The following STK26 variants were observed in gnomAD, a reference collection of about 807,000 sequenced individuals.
STK26 encodes the protein serine/threonine-protein kinase 26.
Under a neutral mutation model 34.7 loss-of-function variants are expected in STK26, and 14 were observed. That is an observed-to-expected ratio of 0.40 (90% CI 0.27 to 0.63). STK26 has a LOEUF of 0.63. Among genes scored for constraint, STK26 ranks in the 30% least tolerant of loss-of-function variants. STK26 has a pLI of 0.38. For missense variants in STK26, 226 were observed against 309.1 expected (o/e 0.73, Z 2.02); for synonymous variants, 100 against 109.8 (o/e 0.91, Z 0.56).
chrX:132,056,350 G>A (rs1204367810), intron 3 of STK26, among the ~76,000 whole-genome samples: 2 of 112,040 alleles, frequency 1.8e-5, no homozygotes, highest in African/African-American at 6.5e-5. Context: ...TGGCTGGGTG[G>A]GTTGCAGTGG....
At position 132,023,589 on chromosome X, in the gene STK26, A is replaced by C. The variant is rs1264290856; in HGVS notation, c.-29A>C. 8.6e-7 allele frequency: 1 copy of C among 1,169,120 alleles called. No individual in the cohort carries two copies. Among genetic ancestry groups the C allele is most frequent in the Non-Finnish European group, 1.1e-6 (1 of 873,704 alleles). On this transcript the variant is annotated 5_prime_UTR_variant, in exon 2 of 12. Transcript: ENST00000394334. Reference sequence around the variant, plus strand: ...TCCGAACCCAAGGCGCCACCGCCGCAGAAGCGGAGCGAGGCAGCATTCGCC... The same window carrying C: ...TCCGAACCCAAGGCGCCACCGCCGCCGAAGCGGAGCGAGGCAGCATTCGCC...
At chrX:132,047,404 G>A (rs1474907528) in intron 2 of STK26, among the ~76,000 whole-genome samples, 1 of 111,987 alleles carries the variant, frequency 8.9e-6, no homozygotes, top group African/African-American at 3.2e-5. Context: ...ATTAACAATT[G>A]ATGCTAAATG....
At position 132,069,459 on chromosome X, in the gene STK26, C is replaced by G; in HGVS notation, c.598-19C>G. ...TATATATATATATATATATTATTTT[C>G]TTTTTCCTTTTACGTTAGGCTGACA... On this transcript the variant is annotated intron_variant, in intron 6 of 11. Coordinates refer to ENST00000394334, the MANE Select transcript of STK26 (RefSeq NM_016542.4). 5.2e-6 allele frequency: 3 copies of G among 576,348 alleles called. No homozygotes were observed. Among genetic ancestry groups the G allele is most frequent in the Non-Finnish European group, 6.5e-6 (3 of 459,309 alleles). The allele number at this position is 576,348 out of a possible 1,213,427, so 47.5% of individuals were successfully genotyped here.
chrX:132,029,655 A>G (rs1925754505), intron 2 of STK26, among the ~76,000 whole-genome samples: 1 of 111,203 alleles, frequency 9.0e-6, no homozygotes, highest in Admixed American at 9.5e-5. Flanking sequence ...ACTACATCCC[A>G]ACAAGAAATC....
chrX:132,055,671 C>A, intron 3 of STK26: 2 of 473,026 alleles, frequency 4.2e-6, no homozygotes, highest in Non-Finnish European at 3.4e-6. Flanking sequence ...AATTGTTTAT[C>A]CTTGTATTGC....
At chrX:132,061,361 G>A (rs1007931325) in intron 3 of STK26, among the ~76,000 whole-genome samples, 1 of 111,655 alleles carries the variant, frequency 9.0e-6, no homozygotes, top group East Asian at 2.8e-4. Flanking sequence ...CTCAGGTTGC[G>A]AGTGCCTAGG....
At chrX:132,050,932 G>C (rs1926665807) in intron 2 of STK26, among the ~76,000 whole-genome samples, 1 of 111,773 alleles carries the variant, frequency 8.9e-6, no homozygotes, top group Non-Finnish European at 1.9e-5. Flanking sequence ...CATTTGGGGT[G>C]CTTTTTCAGA....
intron 4 of STK26, among the ~76,000 whole-genome samples, chrX:132,064,972 G>T (rs1927171398): frequency 9.0e-6 from 1 of 111,212 alleles, no homozygotes; most frequent in South Asian, 3.7e-4. Flanking sequence ...TTTCCTTTAG[G>T]CAGAACCATA....
At position 132,054,650 on chromosome X, in the gene STK26, A is replaced by G; in HGVS notation, c.62A>G (p.Glu21Gly). The G allele has an allele frequency of 8.3e-7, 1 of 1,211,004 alleles. No individual in the cohort carries two copies. Among genetic ancestry groups the G allele is most frequent in the Non-Finnish European group, 1.1e-6 (1 of 894,852 alleles). Reference sequence around the variant, plus strand: ...CTTCAGAATAACATAGCTGATCCAGAAGAACTGTTCACAAAATTAGAGCGC... The same window carrying G: ...CTTCAGAATAACATAGCTGATCCAGGAGAACTGTTCACAAAATTAGAGCGC... Reference protein sequence around the residue: ...PGMQNNIADPEELFTKLERIG... With the variant: ...PGMQNNIADPGELFTKLERIG... The change falls in exon 3 of 12, where the codon GAA becomes GGA. Residue 21 changes from glutamate (E) to glycine (G), a missense_variant. Glu to Gly is a moderately conservative substitution (Grantham distance 98). This residue lies in a region of STK26 where 100 missense variants were observed against 176.7 expected (regional missense o/e 0.57). Transcript: ENST00000394334.
chrX:132,056,023 T>C (rs1926844474), intron 3 of STK26, among the ~76,000 whole-genome samples: 1 of 112,662 alleles, frequency 8.9e-6, no homozygotes, highest in African/African-American at 3.2e-5. Context: ...TTAATCTACT[T>C]GTTAAATTTA....
Position 132,058,254 on chromosome X carries a change from ATG to A in STK26, c.273+3415_273+3416del, listed in dbSNP as rs754196913. Among the ~76,000 whole-genome samples, 544 of 102,756 alleles carry A rather than the reference ATG, an allele frequency of 5.3e-3. 2 individuals are homozygous for A. Among genetic ancestry groups the A allele is most frequent in the African/African-American group, 0.015 (421 of 28,123 alleles). 89.2% of individuals were successfully genotyped at this position (102,756 alleles called of 115,157 possible). A position where few individuals can be genotyped will look rare whatever the true frequency, so the allele number is the denominator to read the frequency against. The stretch of plus-strand genomic sequence containing the variant: ...CATGTGTGTGTGTGCGTGTGTGTGT[ATG>A]TGTGTGTGTGTGTGTGTGTGTCTGT... On this transcript the variant is annotated intron_variant, in intron 3 of 11. Transcript: ENST00000394334.
intron 2 of STK26, among the ~76,000 whole-genome samples, chrX:132,047,117 G>C (rs1182515065): frequency 9.0e-6 from 1 of 111,648 alleles, no homozygotes; most frequent in Non-Finnish European, 1.9e-5. Context: ...TTTTATCTTA[G>C]TTCTTATTCT....
At chrX:132,069,963 T>G (rs1235698142) in intron 7 of STK26, among the ~76,000 whole-genome samples, 4 of 111,900 alleles carry the variant, frequency 3.6e-5, no homozygotes, top group African/African-American at 9.7e-5. Flanking sequence ...TATTATGTCA[T>G]TATTAAAGTG....
chrX:132,029,073 T>C (rs886899718), intron 2 of STK26, among the ~76,000 whole-genome samples: 2 of 111,877 alleles, frequency 1.8e-5, no homozygotes, highest in African/African-American at 3.3e-5. Context: ...TTAGAACTTT[T>C]GACACTAGGG....
chrX:132,070,584 C>T (rs1927382826), intron 7 of STK26, among the ~76,000 whole-genome samples: 1 of 112,255 alleles, frequency 8.9e-6, no homozygotes, highest in Non-Finnish European at 1.9e-5. Flanking sequence ...CTCCACAGCA[C>T]CTGGTGTTTG....
intron 4 of STK26, among the ~76,000 whole-genome samples, chrX:132,067,968 T>C (rs1310645508): frequency 9.0e-6 from 1 of 111,315 alleles, no homozygotes; most frequent in Non-Finnish European, 1.9e-5. Flanking sequence ...AGTATATAGG[T>C]AAAAGGGCTC....
chrX:132,025,687 G>A (rs1463961278), intron 2 of STK26, among the ~76,000 whole-genome samples: 4 of 88,077 alleles, frequency 4.5e-5, no homozygotes, highest in Non-Finnish European at 6.6e-5. Flanking sequence ...TCATCTTAAT[G>A]AAATGGTAAA....
intron 2 of STK26, among the ~76,000 whole-genome samples, chrX:132,036,431 C>T (rs1308232542): frequency 9.0e-6 from 1 of 111,476 alleles, no homozygotes; most frequent in Non-Finnish European, 1.9e-5. Context: ...CCTGTCTCTA[C>T]TCAAAATACA....
chrX:132,023,544 C>T lies in STK26; in HGVS notation c.-74C>T, dbSNP rs1393774996. 8.8e-7 allele frequency: 1 copy of T among 1,130,256 alleles called. No individual in the cohort carries two copies. The highest frequency in any genetic ancestry group is 1.8e-5 in the African/African-American group (1 of 55,612). 93.1% of individuals were successfully genotyped at this position (1,130,256 alleles called of 1,213,427 possible). The stretch of plus-strand genomic sequence containing the variant: ...AAAGCCTGGGAGGGCCGCCGAACTA[C>T]CCCCGGAGGGAGGAGCCAGTCCGAA... On this transcript the variant is annotated 5_prime_UTR_variant, in exon 2 of 12. Coordinates refer to ENST00000394334, the MANE Select transcript of STK26 (RefSeq NM_016542.4).
Sources: gnomAD v4.1 joint callset for allele counts (sites outside exome capture counted in the v4.1 genomes callset) on GRCh38, gnomAD v4.1.1 for gene constraint, gnomAD v4.1.1 regional missense constraint, MANE v1.5 for transcripts, NCBI Gene and HGNC (gene_info 2026-07-23, HGNC 2026-07-21) for gene names.